The following AGBL4 variants were observed in gnomAD, a reference collection of about 807,000 sequenced individuals.
AGBL4 encodes the protein cytosolic carboxypeptidase 6.
Under a neutral mutation model 66.4 loss-of-function variants are expected in AGBL4, and 58 were observed. The ratio of observed to expected loss-of-function variants is 0.87; its 90% CI spans 0.71 to 1.09. The LOEUF (loss-of-function observed/expected upper bound fraction) is 1.09. Ranked by LOEUF, AGBL4 falls within the 50% of genes least tolerant of loss-of-function variation. AGBL4 has a pLI of 0.00. For synonymous variants in AGBL4, 234 were observed against 222.9 expected (o/e 1.05, Z -0.44); for missense variants, 579 against 631.0 (o/e 0.92, Z 0.88).
At chr1:48,553,697 C>CAA (rs747570894) in intron 11 of AGBL4, among the ~76,000 whole-genome samples, 1 of 148,986 alleles carries the variant, frequency 6.7e-6, no homozygotes, top group African/African-American at 2.5e-5. Flanking sequence ...CTACAATTTT[C>CAA]AAAAAAAAAA....
At chr1:49,905,326 C>G (rs1033313076) in intron 1 of AGBL4, among the ~76,000 whole-genome samples, 1 of 152,090 alleles carries the variant, frequency 6.6e-6, no homozygotes, top group Non-Finnish European at 1.5e-5. Flanking sequence ...AGCCTGTAGT[C>G]TCTGCCCTGG....
At chr1:49,439,776 C>T (rs1645983651) in intron 3 of AGBL4, among the ~76,000 whole-genome samples, 1 of 152,220 alleles carries the variant, frequency 6.6e-6, no homozygotes, top group Non-Finnish European at 1.5e-5. Flanking sequence ...TGCCCTCAAA[C>T]ATCAGATGCC....
intron 11 of AGBL4, among the ~76,000 whole-genome samples, chr1:48,544,776 A>T (rs764452101): frequency 6.6e-6 from 1 of 152,148 alleles, no homozygotes; most frequent in Non-Finnish European, 1.5e-5. Flanking sequence ...CAGCCAGCCT[A>T]CAGCTCCCCC....
chr1:48,585,520 T>A (rs535661083), intron 11 of AGBL4: 3 of 152,404 alleles, frequency 2.0e-5, no homozygotes, highest in African/African-American at 7.2e-5. Context: ...ATGTGGCACA[T>A]AACAGGTGGC....
At chr1:49,127,019 T>C (rs761522250) in intron 4 of AGBL4, among the ~76,000 whole-genome samples, 7 of 152,180 alleles carry the variant, frequency 4.6e-5, no homozygotes, top group Non-Finnish European at 7.4e-5. Context: ...CCAGCCATAA[T>C]AAAATAACAG....
Position 50,021,958 on chromosome 1 carries a change from C to T in AGBL4, c.34+1805G>A, listed in dbSNP as rs1490598053. On this transcript the variant is annotated intron_variant, in intron 1 of 13. Coordinates refer to ENST00000371839, the MANE Select transcript of AGBL4 (RefSeq NM_032785.4). ...TCCCATTGCCCCACATGTACCCACA[C>T]TTGTCTCCTTTCAGTTCCTCAAACA... Among the ~76,000 whole-genome samples the T allele has an allele frequency of 3.3e-5, 5 of 152,270 alleles. No homozygotes were observed. In the South Asian group the frequency reaches 8.3e-4, roughly 25 times the overall value.
At chr1:49,028,048 G>C (rs906030777) in intron 5 of AGBL4, among the ~76,000 whole-genome samples, 1 of 152,180 alleles carries the variant, frequency 6.6e-6, no homozygotes, top group East Asian at 1.9e-4. Flanking sequence ...TAAGGGGATT[G>C]AGTTCATTTG....
At chr1:49,335,304 C>A (rs1027682302) in intron 3 of AGBL4, among the ~76,000 whole-genome samples, 1 of 152,096 alleles carries the variant, frequency 6.6e-6, no homozygotes, top group African/African-American at 2.4e-5. Flanking sequence ...AACCTGTTCA[C>A]TTCTATTATT....
At chr1:49,896,927 C>G (rs1017450992) in intron 1 of AGBL4, among the ~76,000 whole-genome samples, 3 of 151,612 alleles carry the variant, frequency 2.0e-5, no homozygotes, top group Non-Finnish European at 4.4e-5. Flanking sequence ...GATAAAAACC[C>G]TAAAAAAAAA....
chr1:49,245,663 T>G, intron 4 of AGBL4, 107 bp downstream of exon 4: 1 of 739,398 alleles, frequency 1.4e-6, no homozygotes, highest in Non-Finnish European at 2.2e-6. Context: ...CTTTTAAAAA[T>G]TTTTATTTTT....
chr1:49,732,779 C>A (rs1337081966), intron 2 of AGBL4, among the ~76,000 whole-genome samples: 1 of 152,042 alleles, frequency 6.6e-6, no homozygotes, highest in African/African-American at 2.4e-5. Flanking sequence ...TCCAGTGCAG[C>A]AAGTTTACCA....
At chr1:48,966,761 G>T (rs1658457732) in intron 5 of AGBL4, among the ~76,000 whole-genome samples, 1 of 152,000 alleles carries the variant, frequency 6.6e-6, no homozygotes, top group African/African-American at 2.4e-5. Flanking sequence ...AATAGAAGAG[G>T]AATGTAATCA....
intron 1 of AGBL4, among the ~76,000 whole-genome samples, chr1:49,868,491 AAAAC>A (rs1646761318): frequency 6.6e-6 from 1 of 152,198 alleles, no homozygotes; most frequent in Admixed American, 6.5e-5. Flanking sequence ...AAACCTGACA[AAAAC>A]AAGCAATGAG....
chr1:48,809,298 A>C (rs1426268000), intron 6 of AGBL4, among the ~76,000 whole-genome samples: 1 of 152,172 alleles, frequency 6.6e-6, no homozygotes, highest in Admixed American at 6.5e-5. Flanking sequence ...TGTCCCATTT[A>C]TAGATCGGAA....
At chr1:49,983,504 C>T (rs1207629167) in intron 1 of AGBL4, among the ~76,000 whole-genome samples, 3 of 152,200 alleles carry the variant, frequency 2.0e-5, no homozygotes, top group Non-Finnish European at 4.4e-5. Flanking sequence ...GGATCCAGGC[C>T]AGTAGCACAA....
chr1:49,128,946 T>A (rs1645824424), intron 4 of AGBL4, among the ~76,000 whole-genome samples: 1 of 151,830 alleles, frequency 6.6e-6, no homozygotes, highest in Non-Finnish European at 1.5e-5. Context: ...TAGAAAAAAA[T>A]TAATAAATCA....
chr1:48,769,709 G>C (rs573615399), intron 6 of AGBL4, among the ~76,000 whole-genome samples: 2 of 152,226 alleles, frequency 1.3e-5, no homozygotes, highest in Non-Finnish European at 1.5e-5. Flanking sequence ...GTTCCTAACA[G>C]TTATCTATAT....
intron 11 of AGBL4, among the ~76,000 whole-genome samples, chr1:48,570,820 A>T (rs1342122182): frequency 6.6e-6 from 1 of 152,150 alleles, no homozygotes; most frequent in Non-Finnish European, 1.5e-5. Flanking sequence ...AGTCTGCCTT[A>T]GTGCGTATAA....
intron 3 of AGBL4, among the ~76,000 whole-genome samples, chr1:49,358,953 A>G (rs932331374): frequency 2.6e-5 from 4 of 152,232 alleles, no homozygotes; most frequent in Admixed American, 1.3e-4. Context: ...ATAGTTTTGC[A>G]TATGTCTGTC....
Sources: allele counts gnomAD v4.1 joint callset (sites outside exome capture counted in the v4.1 genomes callset), GRCh38; gene constraint gnomAD v4.1.1; transcripts MANE v1.5; gene names NCBI Gene and HGNC (gene_info 2026-07-23, HGNC 2026-07-21).